OSBP2: variants seen among roughly 807,000 people sequenced by gnomAD.
OSBP2 encodes oxysterol-binding protein 2.
Under a neutral mutation model 96.0 loss-of-function variants are expected in OSBP2, and 66 were observed. The ratio of observed to expected loss-of-function variants is 0.69; its 90% CI spans 0.56 to 0.84. The LOEUF (loss-of-function observed/expected upper bound fraction) is 0.84, where lower values mean the gene tolerates loss of function less well. OSBP2 is among the 40% of genes least tolerant of loss of function. The probability of loss-of-function intolerance (pLI) is 0.00; values close to 1 mark genes in which losing one functional copy is unlikely to be tolerated. For synonymous variants in OSBP2, 525 were observed against 520.9 expected (o/e 1.01, Z -0.11); for missense variants, 1,038 against 1,222.7 (o/e 0.85, Z 2.25).
Position 30,899,412 on chromosome 22 carries a change from A to T in OSBP2, c.2375+5411A>T, listed in dbSNP as rs563613892. 7.9e-5 allele frequency among the ~76,000 whole-genome samples: 12 copies of T among 152,012 alleles called. No homozygotes were observed. In the South Asian group the frequency reaches 2.5e-3, roughly 32 times the overall value. On this transcript the variant is annotated intron_variant, in intron 12 of 13. Transcript: ENST00000332585. ...AAGCAGACCCTATCTCAAAAAAAAA[A>T]AAAAAAGAAAAAGAACTGACTCTAG...
intron 12 of OSBP2, among the ~76,000 whole-genome samples, chr22:30,897,952 G>GA (rs199929883): frequency 0.017 from 1,765 of 105,288 alleles, 13 homozygotes; most frequent in Middle Eastern, 0.032. Context: ...TCCGTCTCAG[G>GA]AAAAAAAAAA....
chr22:30,838,253 TGG>T (rs1279977491), intron 2 of OSBP2, among the ~76,000 whole-genome samples: 3 of 152,192 alleles, frequency 2.0e-5, no homozygotes, highest in Non-Finnish European at 4.4e-5. Context: ...TGAAGGGGAC[TGG>T]AAGGTTAAAT....
rs746028741 is a variant in OSBP2 at position 30,906,288 on chromosome 22, C to A, written c.2700C>A (p.Tyr900Ter). The A allele has an allele frequency of 2.5e-6, 4 of 1,613,928 alleles. No individual in the cohort carries two copies. Among genetic ancestry groups the A allele is most frequent in the Non-Finnish European group, 3.4e-6 (4 of 1,179,852 alleles). Residue 900 changes from tyrosine (Y) to a stop codon, truncating the protein, a stop_gained, in exon 14 of 14, where the codon TAC (tyrosine) becomes TAA (stop). Coordinates refer to ENST00000332585, the MANE Select transcript of OSBP2 (RefSeq NM_030758.4). LOFTEE classifies it high-confidence loss of function. ...GEMACVYKGG[Y>*]WEAKEKQDWH... ...TGGCCTGTGTGTACAAGGGCGGCTACTGGGAGGCCAAGGAGAAGCAAGACT... is the reference window on the plus strand; with the variant it reads ...TGGCCTGTGTGTACAAGGGCGGCTAATGGGAGGCCAAGGAGAAGCAAGACT...
rs935715320 is a variant in OSBP2 at position 30,870,500 on chromosome 22, C to G, written c.925C>G (p.Leu309Val). 3.1e-6 allele frequency: 5 copies of G among 1,614,130 alleles called. No homozygotes were observed. Among genetic ancestry groups the G allele is most frequent in the Non-Finnish European group, 4.2e-6 (5 of 1,180,028 alleles). The change falls in exon 3 of 14, where the codon CTT becomes GTT. Residue 309 changes from leucine to valine, a missense_variant. Coordinates refer to ENST00000332585, the MANE Select transcript of OSBP2 (RefSeq NM_030758.4). This position sits in a 1 kb window ranked among gnomAD's most constrained non-coding sequence, Gnocchi z 4.1. ...CGAGCTGCACCACACCCTGAAGAAT[C>G]TTTCCCTGAAGTTAGATGACCTCAG... Reference protein sequence around the residue: ...KSELHHTLKNLSLKLDDLSTC... With the variant: ...KSELHHTLKNVSLKLDDLSTC...
At chr22:30,850,392 C>T (rs892972703) in intron 2 of OSBP2, among the ~76,000 whole-genome samples, 30 of 151,932 alleles carry the variant, frequency 2.0e-4, no homozygotes, top group African/African-American at 5.3e-4. Flanking sequence ...TCCATACTTA[C>T]GCCAATACTA....
At position 30,893,569 on chromosome 22, in the gene OSBP2, CA is replaced by C. The variant is rs758565819; in HGVS notation, c.2094+4del. 1.2e-6 allele frequency: 2 copies of C among 1,613,950 alleles called. No individual in the cohort carries two copies. Among genetic ancestry groups the C allele is most frequent in the South Asian group, 1.1e-5 (1 of 91,078 alleles). ...TGGGCAAGCTCTGGATCGACCAGGT[CA>C]GGGGCGCCCTTGGGGAGGGGGTGCA... is the stretch of plus-strand genomic sequence containing the variant. On this transcript the variant is annotated splice_donor_region_variant and intron_variant, in intron 10 of 13. Transcript: ENST00000332585.
At chr22:30,783,065 CTT>C (rs567123014) in intron 2 of OSBP2, among the ~76,000 whole-genome samples, 2,955 of 104,042 alleles carry the variant, frequency 0.028, 31 homozygotes, top group African/African-American at 0.098. Flanking sequence ...GAACCTGTGG[CTT>C]TTTTTTTTTT....
intron 2 of OSBP2, among the ~76,000 whole-genome samples, chr22:30,742,542 A>G (rs932466247): frequency 6.6e-6 from 1 of 152,198 alleles, no homozygotes. Flanking sequence ...GCAGCCAGAG[A>G]TACTTGTATC....
chr22:30,842,769 G>GTTCT (rs146495571), intron 2 of OSBP2: 16,393 of 152,108 alleles, frequency 0.11, 1,076 homozygotes, highest in Non-Finnish European at 0.15. Flanking sequence ...AATTCAGTTC[G>GTTCT]TTCTTTCTTT....
chr22:30,771,390 A>T (rs530581022), intron 2 of OSBP2, among the ~76,000 whole-genome samples: 18 of 152,280 alleles, frequency 1.2e-4, no homozygotes, highest in African/African-American at 4.1e-4. Flanking sequence ...GAGGCTCCAG[A>T]GGGGCAACCT....
At chr22:30,710,258 C>T (rs1413395518) in intron 1 of OSBP2, among the ~76,000 whole-genome samples, 1 of 152,220 alleles carries the variant, frequency 6.6e-6, no homozygotes, top group Non-Finnish European at 1.5e-5. Flanking sequence ...GTGCAGTTCA[C>T]ACAGGAAGAG....
intron 1 of OSBP2, among the ~76,000 whole-genome samples, chr22:30,719,418 G>T (rs910840567): frequency 6.6e-6 from 1 of 151,984 alleles, no homozygotes; most frequent in Non-Finnish European, 1.5e-5. Context: ...CCCTGGAAAA[G>T]TTGCCTGGTG....
chr22:30,779,764 G>C (rs761330467), intron 2 of OSBP2, among the ~76,000 whole-genome samples: 2 of 152,206 alleles, frequency 1.3e-5, no homozygotes, highest in African/African-American at 2.4e-5. Flanking sequence ...TAGAAATAGA[G>C]CTGAGGGGAC....
chr22:30,694,873 C>T, upstream of OSBP2: 3 of 1,040,396 alleles, frequency 2.9e-6, no homozygotes, highest in Non-Finnish European at 2.5e-6. Flanking sequence ...CCCCCGCCCC[C>T]ACTGGCCGCT....
At chr22:30,733,189 T>C (rs2089805016) in intron 1 of OSBP2, among the ~76,000 whole-genome samples, 1 of 152,118 alleles carries the variant, frequency 6.6e-6, no homozygotes, top group African/African-American at 2.4e-5. Context: ...TGCTGGTAGA[T>C]CGGGCACTCA....
intron 1 of OSBP2, among the ~76,000 whole-genome samples, chr22:30,731,066 C>T (rs1317727755): frequency 1.3e-5 from 2 of 151,334 alleles, no homozygotes; most frequent in African/African-American, 2.4e-5. Context: ...CCCAGCTACT[C>T]GGGAGGCTGA....
chr22:30,791,257 CCA>C (rs2145825823), intron 2 of OSBP2, among the ~76,000 whole-genome samples: 1 of 151,658 alleles, frequency 6.6e-6, no homozygotes, highest in South Asian at 2.1e-4. Context: ...CAGGTGTGAG[CCA>C]CCATGCCCAG....
At chr22:30,694,759 G>C (rs2088988743), upstream of OSBP2, 5 of 555,128 alleles carry the variant, frequency 9.0e-6, no homozygotes, top group Non-Finnish European at 1.1e-5. Context: ...CAGCCGGCGG[G>C]CGCTGACGGG....
chr22:30,902,828 A>C (rs1278074022), intron 12 of OSBP2: 3 of 350,364 alleles, frequency 8.6e-6, no homozygotes, highest in Non-Finnish European at 1.7e-5. Flanking sequence ...GAGCAGGACC[A>C]CAGCCTGGTG....
Sources: allele counts gnomAD v4.1 joint callset (sites outside exome capture counted in the v4.1 genomes callset), GRCh38; gene constraint gnomAD v4.1.1; non-coding constraint Gnocchi (gnomAD v3.1); transcripts MANE v1.5; gene names NCBI Gene and HGNC (gene_info 2026-07-23, HGNC 2026-07-21).